The following ACACA variants were observed in gnomAD, a reference collection of about 807,000 sequenced individuals.
The protein encoded by ACACA is acetyl-CoA carboxylase alpha.
ACACA carries 103 observed loss-of-function variants against 296.1 expected under a neutral mutation model. The ratio of observed to expected loss-of-function variants is 0.35; its 90% CI spans 0.30 to 0.41. ACACA has a LOEUF of 0.41. Among genes scored for constraint, ACACA ranks in the 10% least tolerant of loss-of-function variants. The pLI is 1.00. For synonymous variants in ACACA, 953 were observed against 1,038.6 expected, an observed-to-expected ratio of 0.92 and a Z score of 1.58; for missense variants, 1,554 against 2,989.7, an observed-to-expected ratio of 0.52 and a Z score of 11.20.
At position 37,157,304 on chromosome 17, in the gene ACACA, C is replaced by T. The variant is rs565159005; in HGVS notation, c.5350-1524G>A. Reference sequence around the variant, plus strand: ...AAATGCACTGAGGCATGATGTGCTTCGCAGGTTTAAGAAAGCAGAGTCGGG... The same window carrying T: ...AAATGCACTGAGGCATGATGTGCTTTGCAGGTTTAAGAAAGCAGAGTCGGG... On this transcript the variant is annotated intron_variant, in intron 42 of 55. Coordinates refer to ENST00000616317, the MANE Select transcript of ACACA (RefSeq NM_198834.3). Among the ~76,000 whole-genome samples, 5 of 152,170 alleles carry T rather than the reference C, an allele frequency of 3.3e-5. No homozygotes were observed. The South Asian group carries it at 8.3e-4, about 25-fold the overall frequency.
intron 8 of ACACA, among the ~76,000 whole-genome samples, chr17:37,275,474 C>CAA (rs2082241638): frequency 9.4e-6 from 1 of 106,650 alleles, no homozygotes; most frequent in Non-Finnish European, 1.7e-5. Context: ...CCAGCCTGGG[C>CAA]AACAGAGTGA....
chr17:37,378,381 A>T (rs1180838339), intron 1 of ACACA, among the ~76,000 whole-genome samples: 2 of 152,222 alleles, frequency 1.3e-5, no homozygotes, highest in African/African-American at 4.8e-5. Context: ...AGCAGGGGTC[A>T]TGAATGGAAA....
In ACACA at chr17:37,213,814, G is replaced by C. The variant is rs9900876; in HGVS notation, c.3684-3324C>G. ...ATATGAATGCAAAGTCAGAGTTGCC[G>C]CTGCTAGCTGAACCCTCTTTAATTT... On this transcript the variant is annotated intron_variant, in intron 29 of 55. Transcript: ENST00000616317. Among the ~76,000 whole-genome samples the C allele has an allele frequency of 9.7e-3, 1,480 of 152,070 alleles. 21 individuals are homozygous for C. The highest frequency in any genetic ancestry group is 0.034 in the African/African-American group (1,407 of 41,448).
intron 41 of ACACA, among the ~76,000 whole-genome samples, chr17:37,174,173 T>A (rs2077020979): frequency 6.7e-6 from 1 of 150,176 alleles, no homozygotes; most frequent in Non-Finnish European, 1.5e-5. Flanking sequence ...CAGCTAGTCT[T>A]TAAACTTTAA....
intron 41 of ACACA, among the ~76,000 whole-genome samples, chr17:37,172,008 G>GC (rs1242468242): frequency 2.0e-5 from 3 of 152,238 alleles, no homozygotes; most frequent in East Asian, 1.9e-4. Flanking sequence ...GAACTCTGGT[G>GC]CCCCCCGCTA....
intron 45 of ACACA, among the ~76,000 whole-genome samples, chr17:37,137,661 C>T (rs1383501286): frequency 6.6e-6 from 1 of 152,194 alleles, no homozygotes. Flanking sequence ...TGTGTAGTGG[C>T]TTTCTGAAGC....
intron 41 of ACACA, among the ~76,000 whole-genome samples, chr17:37,177,119 G>C (rs1386028974): frequency 3.9e-5 from 6 of 152,154 alleles, no homozygotes; most frequent in Non-Finnish European, 7.4e-5. Context: ...AACTATTAAA[G>C]CACTGGACAA....
chr17:37,253,785 T>C lies in ACACA; in HGVS notation c.1827-749A>G, dbSNP rs572446487. 9.1e-4 allele frequency among the ~76,000 whole-genome samples: 139 copies of C among 152,340 alleles called. 1 individual carries two copies. The highest frequency in any genetic ancestry group is 3.2e-3 in the African/African-American group (132 of 41,566). ...TGTATAATTTACATACAATAAAATA[T>C]ACTTATTTTAAGTATACAGTTCAAT... On this transcript the variant is annotated intron_variant, in intron 14 of 55. Transcript: ENST00000616317.
intron 1 of ACACA, among the ~76,000 whole-genome samples, chr17:37,397,405 A>G (rs773848759): frequency 1.3e-5 from 2 of 152,176 alleles, no homozygotes; most frequent in Non-Finnish European, 2.9e-5. Flanking sequence ...GATACTAAAA[A>G]TATTTGTTGA....
chr17:37,338,642 C>T (rs1184416535), intron 2 of ACACA, among the ~76,000 whole-genome samples: 1 of 151,324 alleles, frequency 6.6e-6, no homozygotes, highest in African/African-American at 2.4e-5. Context: ...CTTTAAAGGG[C>T]TCCCATTATT....
At chr17:37,215,281 T>C (rs941764412) in intron 29 of ACACA, among the ~76,000 whole-genome samples, 1 of 152,140 alleles carries the variant, frequency 6.6e-6, no homozygotes, top group African/African-American at 2.4e-5. Context: ...TAGGTGGAAA[T>C]AAACACCAAT....
intron 3 of ACACA, among the ~76,000 whole-genome samples, chr17:37,324,226 C>T (rs557959481): frequency 6.6e-6 from 1 of 151,806 alleles, no homozygotes; most frequent in East Asian, 1.9e-4. Flanking sequence ...ATTAGCCAGA[C>T]GTGGTGGCGC....
intron 35 of ACACA, among the ~76,000 whole-genome samples, chr17:37,194,116 C>T (rs533286908): frequency 6.6e-6 from 1 of 151,854 alleles, no homozygotes; most frequent in South Asian, 2.1e-4. Flanking sequence ...TCATTAGTTT[C>T]TGAAATTTAA....
chr17:37,115,420 T>C (rs1468280618), intron 50 of ACACA, among the ~76,000 whole-genome samples: 1 of 151,514 alleles, frequency 6.6e-6, no homozygotes, highest in African/African-American at 2.4e-5. Context: ...CTCAATGATA[T>C]CATACAAAGA....
chr17:37,293,133 T>C (rs1260522200), intron 3 of ACACA, among the ~76,000 whole-genome samples: 2 of 152,240 alleles, frequency 1.3e-5, no homozygotes, highest in Admixed American at 1.3e-4. Flanking sequence ...CAGTTCTCTA[T>C]CAGGTTTTAA....
intron 43 of ACACA, among the ~76,000 whole-genome samples, chr17:37,151,762 C>A (rs938645463): frequency 2.0e-5 from 3 of 152,184 alleles, no homozygotes; most frequent in Admixed American, 6.5e-5. Context: ...CCCGGGTTCA[C>A]GCCATTCTCC....
chr17:37,332,894 A>G (rs1458975683), intron 2 of ACACA, among the ~76,000 whole-genome samples: 14 of 147,510 alleles, frequency 9.5e-5, no homozygotes, highest in African/African-American at 3.2e-4. Flanking sequence ...TGGGTGACAG[A>G]GTGAGACTCT....
chr17:37,087,189 G>C lies in ACACA; in HGVS notation c.*127C>G, dbSNP rs185993557. 227 of 1,322,772 alleles carry C rather than the reference G, an allele frequency of 1.7e-4. No homozygotes were observed. Among genetic ancestry groups the C allele is most frequent in the Non-Finnish European group, 2.3e-4 (212 of 929,996 alleles). The allele number at this position is 1,322,772 out of a possible 1,614,324, so 81.9% of individuals were successfully genotyped here. On this transcript the variant is annotated 3_prime_UTR_variant, in exon 56 of 56. Transcript: ENST00000616317. Reference sequence around the variant, plus strand: ...TGTCATGCATAACCTGAAACGAGAGGAAGTAAAATGCCATTTGACTCCAGT... The same window carrying C: ...TGTCATGCATAACCTGAAACGAGAGCAAGTAAAATGCCATTTGACTCCAGT...
At chr17:37,170,564 G>A (rs1407418882) in intron 41 of ACACA, among the ~76,000 whole-genome samples, 4 of 152,114 alleles carry the variant, frequency 2.6e-5, no homozygotes, top group African/African-American at 9.7e-5. Context: ...TCTGCCCTGA[G>A]ATGTCATTTT....
Sources: allele counts gnomAD v4.1 joint callset (sites outside exome capture counted in the v4.1 genomes callset), GRCh38; gene constraint gnomAD v4.1.1; transcripts MANE v1.5; gene names NCBI Gene and HGNC (gene_info 2026-07-23, HGNC 2026-07-21).